Variants in OSBPL5 observed in about 807,000 individuals in gnomAD.
The protein encoded by OSBPL5 is oxysterol binding protein like 5, also known as oxysterol-binding protein-related protein 5.
Under a neutral mutation model 111.2 loss-of-function variants are expected in OSBPL5, and 71 were observed. That is an observed-to-expected ratio of 0.64 (90% confidence interval 0.53 to 0.78). OSBPL5 has a LOEUF of 0.78. OSBPL5 is among the 30% of genes least tolerant of loss of function. OSBPL5 has a pLI of 0.00. For missense variants in OSBPL5, 1,210 were observed against 1,189.3 expected (o/e 1.02, Z -0.26); for synonymous variants, 549 against 513.9 (o/e 1.07, Z -0.93).
rs1422811408 is a variant in OSBPL5, at chr11:3,106,084, T to A, written c.1059+1179A>T. Reference sequence around the variant, plus strand: ...GAGGCCCCCAGGGCCCTCGGTCCACTCCCCATAGGCCCATCCTAACCTTCC... The same window carrying A: ...GAGGCCCCCAGGGCCCTCGGTCCACACCCCATAGGCCCATCCTAACCTTCC... On this transcript the variant is annotated intron_variant, in intron 9 of 21. Transcript: ENST00000263650. This position sits in a 1 kb window ranked among gnomAD's most constrained non-coding sequence, Gnocchi z 8.4. 6.6e-6 allele frequency among the ~76,000 whole-genome samples: 1 copy of A among 151,332 alleles called. No individual in the cohort carries two copies. The highest frequency in any genetic ancestry group is 1.5e-5 in the Non-Finnish European group (1 of 67,888).
intron 1 of OSBPL5, among the ~76,000 whole-genome samples, chr11:3,164,786 C>G (rs1253742987): frequency 6.6e-6 from 1 of 152,182 alleles, no homozygotes; most frequent in Non-Finnish European, 1.5e-5. Flanking sequence ...CTCCTTGGAG[C>G]CCGCGTCGGC....
At chr11:3,139,983 C>A (rs536039446) in intron 1 of OSBPL5, among the ~76,000 whole-genome samples, 38 of 152,262 alleles carry the variant, frequency 2.5e-4, no homozygotes, top group African/African-American at 8.9e-4. Context: ...GCAGAGGTGC[C>A]CCCCCTGCTC....
Position 3,109,321 on chromosome 11 carries a change from C to T in OSBPL5, c.692-1376G>A, listed in dbSNP as rs1444340768. On this transcript the variant is annotated intron_variant, in intron 7 of 21. Coordinates refer to ENST00000263650, the MANE Select transcript of OSBPL5 (RefSeq NM_020896.4). This position sits in a 1 kb window ranked among gnomAD's most constrained non-coding sequence, Gnocchi z 7.4. ...TCTCAACCTCTGGGCCTCAAGTGATCTGCGTCGGCCTCCCAAAGTGCTGGG... is the reference window on the plus strand; with the variant it reads ...TCTCAACCTCTGGGCCTCAAGTGATTTGCGTCGGCCTCCCAAAGTGCTGGG... 1.3e-5 allele frequency among the ~76,000 whole-genome samples: 2 copies of T among 152,046 alleles called. No homozygotes were observed. The highest frequency in any genetic ancestry group is 2.9e-5 in the Non-Finnish European group (2 of 68,014).
intron 13 of OSBPL5, among the ~76,000 whole-genome samples, chr11:3,100,887 C>T (rs976979668): frequency 1.3e-5 from 2 of 152,088 alleles, no homozygotes; most frequent in Non-Finnish European, 2.9e-5. Flanking sequence ...AAGACCAGAG[C>T]TTCCCTCCTG....
chr11:3,143,490 C>T (rs1016484501), intron 1 of OSBPL5, among the ~76,000 whole-genome samples: 19 of 152,338 alleles, frequency 1.2e-4, no homozygotes, highest in African/African-American at 3.4e-4. Flanking sequence ...TGGATCACAT[C>T]TGTGCAACGG....
chr11:3,092,182 G>A lies in OSBPL5; in HGVS notation c.2259+250C>T, dbSNP rs1480436881. Among the ~76,000 whole-genome samples the A allele has an allele frequency of 6.6e-6, 1 of 152,040 alleles. No individual in the cohort carries two copies. ...GCTAACTTGGCAGAGGGAGACTTTG[G>A]GGGCAGTGGACAGAGACAGTAGACA... On this transcript the variant is annotated intron_variant, in intron 19 of 21. Transcript: ENST00000263650. This position sits in a 1 kb window ranked among gnomAD's most constrained non-coding sequence, Gnocchi z 5.4.
intron 10 of OSBPL5, among the ~76,000 whole-genome samples, chr11:3,103,930 C>CTGCCTCTG: frequency 1.4e-5 from 2 of 141,460 alleles, no homozygotes; most frequent in Admixed American, 1.4e-4. Context: ...GCAGCCCATC[C>CTGCCTCTG]CATCCAGCTC....
intron 14 of OSBPL5, among the ~76,000 whole-genome samples, chr11:3,095,189 C>T (rs1258183618): frequency 6.6e-6 from 1 of 151,658 alleles, no homozygotes; most frequent in Non-Finnish European, 1.5e-5. Context: ...CTCTGTGCAG[C>T]TCTGATGGGG....
chr11:3,090,438 T>C, intron 20 of OSBPL5, 120 bp downstream of exon 20: 1 of 1,381,908 alleles, frequency 7.2e-7, no homozygotes, highest in Non-Finnish European at 9.9e-7. Flanking sequence ...GCAGAGGAGC[T>C]TTTGCTGGGA....
chr11:3,162,561 C>T lies in OSBPL5; in HGVS notation c.-22+2655G>A, dbSNP rs185131963. Among the ~76,000 whole-genome samples, 1 of 152,080 alleles carries T rather than the reference C, an allele frequency of 6.6e-6. No homozygotes were observed. Among genetic ancestry groups the T allele is most frequent in the East Asian group, 1.9e-4 (1 of 5,146 alleles). ...TGTGATGCTAAGAGAACAACGCGGT[C>T]CTTAGTCCAAGTCCTTTGTACTCGA... On this transcript the variant is annotated intron_variant, in intron 1 of 21. Coordinates refer to ENST00000263650, the MANE Select transcript of OSBPL5 (RefSeq NM_020896.4). This position sits in a 1 kb window ranked among gnomAD's most constrained non-coding sequence, Gnocchi z 8.1.
rs901340544 is a variant in OSBPL5, at chr11:3,162,552, C to T, written c.-22+2664G>A. Among the ~76,000 whole-genome samples the T allele has an allele frequency of 6.6e-6, 1 of 152,020 alleles. No individual in the cohort carries two copies. Among genetic ancestry groups the T allele is most frequent in the Non-Finnish European group, 1.5e-5 (1 of 68,014 alleles). ...CAGAACAACTGTGATGCTAAGAGAA[C>T]AACGCGGTCCTTAGTCCAAGTCCTT... On this transcript the variant is annotated intron_variant, in intron 1 of 21. Transcript: ENST00000263650. The surrounding 1 kb of genome is among the most constrained non-coding windows in gnomAD (Gnocchi z 8.1).
intron 7 of OSBPL5, among the ~76,000 whole-genome samples, chr11:3,117,387 T>C (rs1858250122): frequency 6.6e-6 from 1 of 152,236 alleles, no homozygotes; most frequent in South Asian, 2.1e-4. Context: ...AGGTGTTTAA[T>C]GGTACAAGTC....
chr11:3,121,902 T>A lies in OSBPL5; in HGVS notation c.402+95A>T. 8.9e-7 allele frequency: 1 copy of A among 1,120,942 alleles called. No individual in the cohort carries two copies. 69.4% of individuals were successfully genotyped at this position (1,120,942 alleles called of 1,614,324 possible). On this transcript the variant is annotated intron_variant, in intron 5 of 21. Transcript: ENST00000263650. The surrounding 1 kb of genome is among the most constrained non-coding windows in gnomAD (Gnocchi z 4.3). ...AACGGCTAGATGCAGGGAAGTGAAT[T>A]TCCATCGTTTCAGGCCACCTGGTTT...
Position 3,154,563 on chromosome 11 carries a change from C to T in OSBPL5, c.-22+10653G>A, listed in dbSNP as rs745742223. 3.9e-5 allele frequency among the ~76,000 whole-genome samples: 6 copies of T among 152,178 alleles called. No homozygotes were observed. The highest frequency in any genetic ancestry group is 1.3e-4 in the Admixed American group (2 of 15,282). On this transcript the variant is annotated intron_variant, in intron 1 of 21. Transcript: ENST00000263650. The surrounding 1 kb of genome is among the most constrained non-coding windows in gnomAD (Gnocchi z 4.9). ...AGAACACTGCACACACTCATGGGTGCGGAAGGCTCTGATCACATCAAAATC... is the reference window on the plus strand; with the variant it reads ...AGAACACTGCACACACTCATGGGTGTGGAAGGCTCTGATCACATCAAAATC...
At chr11:3,124,836 A>ATGGATGGG (rs1276374705) in intron 3 of OSBPL5, among the ~76,000 whole-genome samples, 3 of 152,058 alleles carry the variant, frequency 2.0e-5, no homozygotes, top group Non-Finnish European at 4.4e-5. Flanking sequence ...GGATGGATGG[A>ATGGATGGG]TGGACGCATG....
In OSBPL5 at chr11:3,092,657, C is replaced by A; in HGVS notation, c.2133-99G>T. The A allele has an allele frequency of 7.0e-7, 1 of 1,429,562 alleles. No homozygotes were observed. The highest frequency in any genetic ancestry group is 1.4e-5 in the African/African-American group (1 of 70,046). The allele number at this position is 1,429,562 out of a possible 1,614,324, so 88.6% of individuals were successfully genotyped here. A position where few individuals can be genotyped will look rare whatever the true frequency, so the allele number is the denominator to read the frequency against. ...CAGCCCCCCAACAGTGGCCAGAGAC[C>A]TCCAGGAGAATGACCACTGCCCACA... On this transcript the variant is annotated intron_variant, in intron 18 of 21. Transcript: ENST00000263650. This position sits in a 1 kb window ranked among gnomAD's most constrained non-coding sequence, Gnocchi z 5.4.
chr11:3,144,782 C>A (rs1846281344), intron 1 of OSBPL5, among the ~76,000 whole-genome samples: 1 of 152,266 alleles, frequency 6.6e-6, no homozygotes, highest in Non-Finnish European at 1.5e-5. Context: ...GCTCAGGCAG[C>A]CACCCTGGCG....
rs373950160 is a variant in OSBPL5, at chr11:3,094,231, C to A, written c.1719+6G>T. The A allele has an allele frequency of 3.1e-6, 5 of 1,612,564 alleles. No homozygotes were observed. The Admixed American group carries it at 6.7e-5, about 22-fold the overall frequency. ...CTCGTCTCCCCCAGGCTGCAGCCAG[C>A]GCTACCTTGAGTTTGAATTCCAGCT... On this transcript the variant is annotated splice_donor_region_variant and intron_variant, in intron 15 of 21. Coordinates refer to ENST00000263650, the MANE Select transcript of OSBPL5 (RefSeq NM_020896.4).
chr11:3,129,552 G>T (rs1216204218), intron 1 of OSBPL5, among the ~76,000 whole-genome samples: 1 of 152,176 alleles, frequency 6.6e-6, no homozygotes, highest in Non-Finnish European at 1.5e-5. Context: ...CCACGTGACA[G>T]CACTTTGTGG....
Sources: gnomAD v4.1 joint callset for allele counts (sites outside exome capture counted in the v4.1 genomes callset) on GRCh38, gnomAD v4.1.1 for gene constraint, Gnocchi (gnomAD v3.1) non-coding constraint, MANE v1.5 for transcripts, NCBI Gene and HGNC (gene_info 2026-07-23, HGNC 2026-07-21) for gene names.